Variants in SSBP2 observed in about 807,000 individuals in gnomAD.
SSBP2 encodes single stranded DNA binding protein 2, also known as single-stranded DNA-binding protein 2.
SSBP2 carries 17 observed loss-of-function variants against 61.8 expected under a neutral mutation model. That is an observed-to-expected ratio of 0.28 (90% CI 0.19 to 0.41). SSBP2 has a LOEUF of 0.41. Ranked by LOEUF, SSBP2 falls within the 10% of genes least tolerant of loss-of-function variation. The probability of loss-of-function intolerance (pLI) is 1.00; values close to 1 mark genes in which losing one functional copy is unlikely to be tolerated. For synonymous variants in SSBP2, 139 were observed against 141.3 expected, an observed-to-expected ratio of 0.98 and a Z score of 0.12; for missense variants, 310 against 458.7, an observed-to-expected ratio of 0.68 and a Z score of 2.96.
At chr5:81,638,063 T>C (rs1036739692) in intron 2 of SSBP2, among the ~76,000 whole-genome samples, 12 of 125,044 alleles carry the variant, frequency 9.6e-5, no homozygotes, top group Admixed American at 6.6e-4. Context: ...TGAGAACACA[T>C]GGACACAGGA....
chr5:81,613,393 ATT>A (rs756274727), intron 4 of SSBP2, among the ~76,000 whole-genome samples: 27 of 152,268 alleles, frequency 1.8e-4, no homozygotes, highest in Non-Finnish European at 2.9e-4. Flanking sequence ...ATTTAAGTGT[ATT>A]TCTAAAGCTA....
chr5:81,460,991 T>C, intron 10 of SSBP2, 64 bp downstream of exon 10: 2 of 1,035,634 alleles, frequency 1.9e-6, no homozygotes, highest in Non-Finnish European at 2.6e-6. Flanking sequence ...GCAAAATGTT[T>C]TTGTGATTTT....
intron 1 of SSBP2, among the ~76,000 whole-genome samples, chr5:81,701,587 C>G (rs1343503789): frequency 6.6e-6 from 1 of 152,154 alleles, no homozygotes; most frequent in Non-Finnish European, 1.5e-5. Flanking sequence ...GTGCCAAGCA[C>G]CATGCTAAAT....
chr5:81,668,248 T>A (rs1379986054), intron 1 of SSBP2, among the ~76,000 whole-genome samples: 4 of 94,906 alleles, frequency 4.2e-5, no homozygotes, highest in Non-Finnish European at 4.1e-5. Context: ...TATGGAAGTT[T>A]AAAAAAAAAA....
At chr5:81,683,752 G>T (rs1029412845) in intron 1 of SSBP2, among the ~76,000 whole-genome samples, 11 of 151,952 alleles carry the variant, frequency 7.2e-5, no homozygotes, top group Non-Finnish European at 1.5e-4. Context: ...AATAAGCAAA[G>T]AACTCTTAAA....
At chr5:81,556,358 T>C (rs1242776912) in intron 4 of SSBP2, among the ~76,000 whole-genome samples, 1 of 152,082 alleles carries the variant, frequency 6.6e-6, no homozygotes. Flanking sequence ...CTTAGAAACC[T>C]ATATTTCAAT....
chr5:81,562,197 C>T (rs964615626), intron 4 of SSBP2, among the ~76,000 whole-genome samples: 1 of 152,048 alleles, frequency 6.6e-6, no homozygotes, highest in Non-Finnish European at 1.5e-5. Flanking sequence ...TGAGCCACCG[C>T]CCCCGGCCAA....
chr5:81,564,487 T>C (rs1231281851), intron 4 of SSBP2, among the ~76,000 whole-genome samples: 1 of 152,208 alleles, frequency 6.6e-6, no homozygotes, highest in Non-Finnish European at 1.5e-5. Flanking sequence ...TCATTGTCTA[T>C]TCTACCCTTA....
intron 10 of SSBP2, among the ~76,000 whole-genome samples, chr5:81,450,478 T>A (rs1580715837): frequency 6.6e-6 from 1 of 152,212 alleles, no homozygotes; most frequent in Non-Finnish European, 1.5e-5. Flanking sequence ...AACTTTAAGA[T>A]ACAATCTAAT....
At chr5:81,664,793 T>A (rs954976202) in intron 1 of SSBP2, among the ~76,000 whole-genome samples, 1 of 152,208 alleles carries the variant, frequency 6.6e-6, no homozygotes, top group Non-Finnish European at 1.5e-5. Context: ...TTGTGTTTTA[T>A]TAAAAAGATC....
At chr5:81,556,696 G>A (rs909355809) in intron 4 of SSBP2, among the ~76,000 whole-genome samples, 5 of 151,972 alleles carry the variant, frequency 3.3e-5, no homozygotes, top group African/African-American at 1.2e-4. Context: ...CCCTTGCCTT[G>A]CTTAAAAGAC....
chr5:81,700,438 G>A (rs918977295), intron 1 of SSBP2, among the ~76,000 whole-genome samples: 3 of 152,216 alleles, frequency 2.0e-5, no homozygotes, highest in Non-Finnish European at 4.4e-5. Context: ...CACAGGCAGA[G>A]TAGATTTAGC....
intron 1 of SSBP2, among the ~76,000 whole-genome samples, chr5:81,737,136 CT>C (rs1455588666): frequency 1.3e-5 from 2 of 152,080 alleles, no homozygotes; most frequent in Non-Finnish European, 1.5e-5. Flanking sequence ...ACTGGCTTTC[CT>C]TTCCATGTCC....
chr5:81,537,884 A>G (rs1770935321), intron 4 of SSBP2, among the ~76,000 whole-genome samples: 1 of 152,202 alleles, frequency 6.6e-6, no homozygotes, highest in Non-Finnish European at 1.5e-5. Context: ...ACGGCCTCTA[A>G]GTGTTCATGC....
At chr5:81,644,553 T>G (rs754805618) in intron 2 of SSBP2, among the ~76,000 whole-genome samples, 27 of 152,156 alleles carry the variant, frequency 1.8e-4, no homozygotes, top group Non-Finnish European at 3.4e-4. Context: ...TAAGGTAGCT[T>G]ATGTCTAGTA....
At chr5:81,516,010 C>T (rs986874219) in intron 4 of SSBP2, among the ~76,000 whole-genome samples, 2 of 151,774 alleles carry the variant, frequency 1.3e-5, no homozygotes, top group African/African-American at 4.8e-5. Flanking sequence ...TCTTTGCCCT[C>T]ATAAAGCCAG....
chr5:81,579,767 G>A (rs1326309985), intron 4 of SSBP2, among the ~76,000 whole-genome samples: 1 of 152,058 alleles, frequency 6.6e-6, no homozygotes, highest in Non-Finnish European at 1.5e-5. Context: ...ATAGCCCCTA[G>A]ATACTACCTA....
At chr5:81,519,749 C>T (rs1246582898) in intron 4 of SSBP2, among the ~76,000 whole-genome samples, 2 of 152,038 alleles carry the variant, frequency 1.3e-5, no homozygotes, top group African/African-American at 2.4e-5. Flanking sequence ...AGAGTCTGCC[C>T]GCCTGCCCTG....
At chr5:81,691,934 C>G (rs1252358052) in intron 1 of SSBP2, among the ~76,000 whole-genome samples, 1 of 152,176 alleles carries the variant, frequency 6.6e-6, no homozygotes, top group Admixed American at 6.5e-5. Context: ...TGTGCCTTTC[C>G]TCTAAAATCT....
Sources: gnomAD v4.1 joint callset for allele counts (sites outside exome capture counted in the v4.1 genomes callset) on GRCh38, gnomAD v4.1.1 for gene constraint, MANE v1.5 for transcripts, NCBI Gene and HGNC (gene_info 2026-07-23, HGNC 2026-07-21) for gene names.